Variants in RASGEF1C observed in about 807,000 individuals in gnomAD.
The protein encoded by RASGEF1C is RasGEF domain family member 1C, also known as ras-GEF domain-containing family member 1C.
RASGEF1C carries 27 observed loss-of-function variants against 58.1 expected under a neutral mutation model. The ratio of observed to expected loss-of-function variants is 0.46; its 90% confidence interval spans 0.34 to 0.64. The LOEUF is 0.64. Ranked by LOEUF, RASGEF1C falls within the 30% of genes least tolerant of loss-of-function variation. The pLI is 0.01. For missense variants in RASGEF1C, 502 were observed against 605.1 expected (o/e 0.83, Z 1.79); for synonymous variants, 243 against 246.3 (o/e 0.99, Z 0.13).
chr5:180,167,877 T>C (rs1447660001), intron 1 of RASGEF1C, among the ~76,000 whole-genome samples: 1 of 152,258 alleles, frequency 6.6e-6, no homozygotes, highest in Non-Finnish European at 1.5e-5. Context: ...TTTTGGCAGA[T>C]AATTGACCCA....
chr5:180,179,618 G>A (rs1261933363), intron 1 of RASGEF1C, among the ~76,000 whole-genome samples: 5 of 152,230 alleles, frequency 3.3e-5, no homozygotes, highest in Non-Finnish European at 2.9e-5. Flanking sequence ...AGGCTCCCAC[G>A]CTGCCGAGAG....
intron 4 of RASGEF1C, among the ~76,000 whole-genome samples, chr5:180,132,258 C>T (rs974572702): frequency 2.0e-5 from 3 of 152,234 alleles, no homozygotes; most frequent in South Asian, 2.1e-4. Context: ...TCTGGAGCCA[C>T]GTTTCCTTCT....
intron 1 of RASGEF1C, among the ~76,000 whole-genome samples, chr5:180,196,011 C>T (rs1023307966): frequency 1.3e-5 from 2 of 152,148 alleles, no homozygotes; most frequent in Non-Finnish European, 2.9e-5. Context: ...AGACGCTGTG[C>T]GATGGCTCAG....
chr5:180,204,812 TA>T (rs1756462258), intron 1 of RASGEF1C, among the ~76,000 whole-genome samples: 1 of 152,118 alleles, frequency 6.6e-6, no homozygotes, highest in African/African-American at 2.4e-5. Flanking sequence ...TTTAATTAGA[TA>T]AAAGAAAGCA....
chr5:180,138,133 G>T, intron 1 of RASGEF1C, 75 bp from the exon 2 acceptor site: 1 of 930,556 alleles, frequency 1.1e-6, no homozygotes, highest in Non-Finnish European at 1.5e-6. Flanking sequence ...GGAGCTGCTG[G>T]TCCCGGGGCT....
At chr5:180,174,628 G>GTGTGTGTC (rs1767192382) in intron 1 of RASGEF1C, among the ~76,000 whole-genome samples, 3 of 150,420 alleles carry the variant, frequency 2.0e-5, no homozygotes, top group Admixed American at 6.6e-5. Flanking sequence ...CTGTGTGTGT[G>GTGTGTGTC]TGTGTGTGTG....
At chr5:180,185,636 GATA>G (rs1756022784) in intron 1 of RASGEF1C, among the ~76,000 whole-genome samples, 2 of 151,568 alleles carry the variant, frequency 1.3e-5, no homozygotes, top group African/African-American at 2.4e-5. Flanking sequence ...AAATAAAAAG[GATA>G]ATAAGAAAAT....
rs191628646 is a variant in RASGEF1C, at chr5:180,177,929, G to A, written c.-7+31099C>T. On this transcript the variant is annotated intron_variant, in intron 1 of 13. Transcript: ENST00000361132. This position sits in a 1 kb window ranked among gnomAD's most constrained non-coding sequence, Gnocchi z 5.0. Reference sequence around the variant, plus strand: ...CAAGACTCACAGAGACCGAGACCATGTCCCACATCCAGCCATGCCTGAAGC... The same window carrying A: ...CAAGACTCACAGAGACCGAGACCATATCCCACATCCAGCCATGCCTGAAGC... Among the ~76,000 whole-genome samples, 4 of 151,978 alleles carry A rather than the reference G, an allele frequency of 2.6e-5. No individual in the cohort carries two copies. Among genetic ancestry groups the A allele is most frequent in the Admixed American group, 2.6e-4 (4 of 15,254 alleles).
At chr5:180,146,731 T>C (rs1413499533) in intron 1 of RASGEF1C, among the ~76,000 whole-genome samples, 1 of 152,208 alleles carries the variant, frequency 6.6e-6, no homozygotes, top group Non-Finnish European at 1.5e-5. Flanking sequence ...AGTATTTTGT[T>C]GAGGATGTTT....
At chr5:180,185,616 A>G (rs1756022462) in intron 1 of RASGEF1C, among the ~76,000 whole-genome samples, 1 of 151,744 alleles carries the variant, frequency 6.6e-6, no homozygotes, top group Non-Finnish European at 1.5e-5. Context: ...GAATAAATAA[A>G]TAAATAAATA....
At chr5:180,120,952 A>C in intron 7 of RASGEF1C, 108 bp downstream of exon 7, 1 of 769,444 alleles carries the variant, frequency 1.3e-6, no homozygotes, top group Non-Finnish European at 2.3e-6. Context: ...TGGACTTAGA[A>C]ATGAATAAGA....
chr5:180,147,776 TGAGTA>T (rs991610516), intron 1 of RASGEF1C, among the ~76,000 whole-genome samples: 10 of 152,178 alleles, frequency 6.6e-5, no homozygotes, highest in African/African-American at 2.4e-4. Flanking sequence ...ATGTTGTTGT[TGAGTA>T]GAGTTCTGTA....
intron 1 of RASGEF1C, among the ~76,000 whole-genome samples, chr5:180,184,671 C>T (rs898906918): frequency 1.3e-5 from 2 of 151,932 alleles, no homozygotes; most frequent in Admixed American, 6.6e-5. Context: ...CTACAAGAAC[C>T]CAAGTTTAAA....
chr5:180,185,194 C>T (rs1000415757), intron 1 of RASGEF1C, among the ~76,000 whole-genome samples: 4 of 151,220 alleles, frequency 2.6e-5, no homozygotes, highest in African/African-American at 7.3e-5. Context: ...TGGGAGGCTG[C>T]GGCAGGAGAA....
In RASGEF1C at chr5:180,137,565, C is replaced by A; in HGVS notation, c.300+25G>T. On this transcript the variant is annotated intron_variant, in intron 3 of 13. Coordinates refer to ENST00000361132, the MANE Select transcript of RASGEF1C (RefSeq NM_175062.4). The surrounding 1 kb of genome is among the most constrained non-coding windows in gnomAD (Gnocchi z 4.1). ...AGGGCAGTGCTGGTACACTCTGAGACCCCCTGGCCTGCCCTCCGCCTCACC... is the reference window on the plus strand; with the variant it reads ...AGGGCAGTGCTGGTACACTCTGAGAACCCCTGGCCTGCCCTCCGCCTCACC... The A allele has an allele frequency of 6.2e-7, 1 of 1,601,260 alleles. No homozygotes were observed. The highest frequency in any genetic ancestry group is 2.3e-5 in the East Asian group (1 of 44,224).
chr5:180,101,428 C>A lies in RASGEF1C; in HGVS notation c.*73G>T. The A allele has an allele frequency of 6.3e-7, 1 of 1,581,086 alleles. No individual in the cohort carries two copies. The highest frequency in any genetic ancestry group is 8.6e-7 in the Non-Finnish European group (1 of 1,162,294). On this transcript the variant is annotated 3_prime_UTR_variant, in exon 14 of 14. Coordinates refer to ENST00000361132, the MANE Select transcript of RASGEF1C (RefSeq NM_175062.4). ...TGAGGCACTCCCTGGCCTCTGCCCA[C>A]TGGGCCACTGAGGCAGGGCTGTGGA...
Position 180,198,317 on chromosome 5 carries a change from C to T in RASGEF1C, c.-7+10711G>A, listed in dbSNP as rs190828758. Among the ~76,000 whole-genome samples the T allele has an allele frequency of 9.1e-4, 138 of 152,354 alleles. No homozygotes were observed. In the East Asian group the frequency reaches 9.4e-3, roughly 10 times the overall value. On this transcript the variant is annotated intron_variant, in intron 1 of 13. Transcript: ENST00000361132. The surrounding 1 kb of genome is among the most constrained non-coding windows in gnomAD (Gnocchi z 4.5). ...AAGAAGGGAAGAAAGTGAAGGCATACTGGACGCCTGCCTTGGCCAGCTCTG... is the reference window on the plus strand; with the variant it reads ...AAGAAGGGAAGAAAGTGAAGGCATATTGGACGCCTGCCTTGGCCAGCTCTG...
In RASGEF1C at chr5:180,101,523, G is replaced by C. The variant is rs746323700; in HGVS notation, c.1379C>G (p.Ser460Cys). Reference protein sequence around the residue: ...TEKERWKALRSSILGKT With the variant: ...TEKERWKALRCSILGKT ...CTTTCATGTCTTCCCCAAAATAGAA[G>C]ATCTGCAGATTTAAGCATGTCGGGA... The change falls in exon 14 of 14, where the codon TCT (serine) becomes TGT (cysteine). Residue 460 changes from serine (S) to cysteine (C), a missense_variant and splice_region_variant. Ser to Cys is a moderately radical substitution (Grantham distance 112). Coordinates refer to ENST00000361132, the MANE Select transcript of RASGEF1C (RefSeq NM_175062.4). 2 of 1,612,210 alleles carry C rather than the reference G, an allele frequency of 1.2e-6. No homozygotes were observed. The highest frequency in any genetic ancestry group is 1.7e-6 in the Non-Finnish European group (2 of 1,179,918).
At chr5:180,178,111 C>CAT in intron 1 of RASGEF1C, among the ~76,000 whole-genome samples, 1 of 150,832 alleles carries the variant, frequency 6.6e-6, no homozygotes, top group Non-Finnish European at 1.5e-5. Context: ...GGACTACAGG[C>CAT]GTGCACCACC....
Sources: allele counts gnomAD v4.1 joint callset (sites outside exome capture counted in the v4.1 genomes callset), GRCh38; gene constraint gnomAD v4.1.1; non-coding constraint Gnocchi (gnomAD v3.1); transcripts MANE v1.5; gene names NCBI Gene and HGNC (gene_info 2026-07-23, HGNC 2026-07-21).